The following TMEM71 variants were observed in gnomAD, a reference collection of about 807,000 sequenced individuals.
The protein encoded by TMEM71 is transmembrane protein 71.
In TMEM71, 44 loss-of-function variants were observed where a neutral mutation model predicts 38.0. The observed-to-expected ratio is 1.16, with a 90% CI of 0.91 to 1.49. TMEM71 has a LOEUF of 1.49. TMEM71 is among the 40% of genes most tolerant of loss of function. TMEM71 has a pLI of 0.00. For missense variants in TMEM71, 367 were observed against 348.6 expected (o/e 1.05, Z -0.42); for synonymous variants, 133 against 122.5 (o/e 1.09, Z -0.56).
At chr8:132,712,232 T>C (rs924779495) in intron 9 of TMEM71, among the ~76,000 whole-genome samples, 12 of 151,680 alleles carry the variant, frequency 7.9e-5, no homozygotes, top group Non-Finnish European at 1.3e-4. Context: ...AAAAATGGAG[T>C]TGGGAACAAG....
intron 5 of TMEM71, among the ~76,000 whole-genome samples, chr8:132,746,412 C>CATATATATATACATATATATAT (rs1307996051): frequency 1.1e-3 from 11 of 10,170 alleles, no homozygotes; most frequent in East Asian, 8.8e-3. Context: ...TATATATATA[C>CATATATATATACATATATATAT]ACACACATAT....
At chr8:132,739,646 C>T (rs1051049445) in intron 5 of TMEM71, among the ~76,000 whole-genome samples, 1 of 151,982 alleles carries the variant, frequency 6.6e-6, no homozygotes, top group East Asian at 1.9e-4. Context: ...TTAACTTGGG[C>T]GAGTTCCTTA....
chr8:132,757,090 G>T (rs1394868741), intron 3 of TMEM71, 144 bp downstream of exon 3: 1 of 417,912 alleles, frequency 2.4e-6, no homozygotes, highest in African/African-American at 2.2e-5. Flanking sequence ...TGGAGACGGG[G>T]TTTCACCGTG....
At chr8:132,741,979 C>G (rs1026072190) in intron 5 of TMEM71, among the ~76,000 whole-genome samples, 8 of 152,244 alleles carry the variant, frequency 5.3e-5, no homozygotes, top group African/African-American at 1.7e-4. Context: ...TCTTCCCAGA[C>G]GCTGGCGTCA....
intron 5 of TMEM71, among the ~76,000 whole-genome samples, chr8:132,728,699 A>G (rs6998949): frequency 0.012 from 1,875 of 152,314 alleles, 41 homozygotes; most frequent in African/African-American, 0.043. Context: ...TCTTTATAGG[A>G]CCAAACTTTA....
At chr8:132,746,396 T>C in intron 5 of TMEM71, among the ~76,000 whole-genome samples, 2 of 19,676 alleles carry the variant, frequency 1.0e-4, no homozygotes, top group Non-Finnish European at 1.5e-4. Flanking sequence ...TACATATATA[T>C]ATACATATAT....
At chr8:132,758,655 A>C (rs1174902138) in intron 2 of TMEM71, 185 bp downstream of exon 2, 3 of 556,642 alleles carry the variant, frequency 5.4e-6, no homozygotes, top group Non-Finnish European at 9.6e-6. Context: ...GAAAAATACC[A>C]CATTTCTTTC....
chr8:132,711,604 C>T (rs903423625), intron 9 of TMEM71, among the ~76,000 whole-genome samples: 3 of 152,168 alleles, frequency 2.0e-5, no homozygotes, highest in Admixed American at 6.5e-5. Flanking sequence ...ACCGCTGATG[C>T]TAACACATCA....
intron 2 of TMEM71, among the ~76,000 whole-genome samples, chr8:132,757,716 C>G (rs752683614): frequency 6.6e-6 from 1 of 151,398 alleles, no homozygotes; most frequent in Non-Finnish European, 1.5e-5. Context: ...GTCCCAGCTA[C>G]TGGGGAGGCT....
At chr8:132,775,361 G>C in the TMEM71 span, 2 of 359,172 alleles carry the variant, frequency 5.6e-6, no homozygotes, top group Non-Finnish European at 9.9e-6. Flanking sequence ...GCGGGCGGCT[G>C]ACGTCGCCGG....
intron 3 of TMEM71, among the ~76,000 whole-genome samples, chr8:132,752,866 A>T (rs912579247): frequency 2.7e-5 from 4 of 150,828 alleles, no homozygotes; most frequent in Admixed American, 2.6e-4. Context: ...GAAGGAAGGA[A>T]GGAAGGAAGG....
rs570921068 is a variant in TMEM71, at chr8:132,727,551, C to T, written c.676+247G>A. Among the ~76,000 whole-genome samples the T allele has an allele frequency of 1.7e-4, 26 of 152,238 alleles. No individual in the cohort carries two copies. In the South Asian group the frequency reaches 4.6e-3, roughly 27 times the overall value. ...GATTACAGGCCTGACCTGCCGTGCC[C>T]GGTCTCTGAATATTTTTTAAGTAAA... On this transcript the variant is annotated intron_variant, in intron 6 of 9. Coordinates refer to ENST00000677595, the MANE Select transcript of TMEM71 (RefSeq NM_001382403.1).
chr8:132,708,405 G>C (rs1335782143), downstream of TMEM71, among the ~76,000 whole-genome samples: 1 of 152,236 alleles, frequency 6.6e-6, no homozygotes, highest in Non-Finnish European at 1.5e-5. Flanking sequence ...ATTTTGCACA[G>C]CAACACACTT....
At position 132,753,323 on chromosome 8, in the gene TMEM71, T is replaced by A. The variant is rs557483091; in HGVS notation, c.102-1326A>T. ...TTTGAATTCTTGGGGTGGTTTTTTG[T>A]GAATCAATTAACAGCACTGATAGTA... On this transcript the variant is annotated intron_variant, in intron 3 of 9. Transcript: ENST00000677595. Among the ~76,000 whole-genome samples the A allele has an allele frequency of 2.0e-5, 3 of 151,070 alleles. No individual in the cohort carries two copies. The South Asian group carries it at 6.2e-4, about 31-fold the overall frequency.
At chr8:132,766,252 G>T in the TMEM71 span, among the ~76,000 whole-genome samples, 1 of 152,068 alleles carries the variant, frequency 6.6e-6, no homozygotes, top group Non-Finnish European at 1.5e-5. Flanking sequence ...AAGCTTTTCA[G>T]AGCTGACATC....
intron 5 of TMEM71, 109 bp downstream of exon 5, chr8:132,746,833 C>T: frequency 1.2e-6 from 1 of 852,806 alleles, no homozygotes. Flanking sequence ...GCCCATCTCT[C>T]CATCAAAATG....
the TMEM71 span, among the ~76,000 whole-genome samples, chr8:132,768,353 ATGT>A: frequency 3.3e-5 from 5 of 152,118 alleles, no homozygotes; most frequent in South Asian, 2.1e-4. Flanking sequence ...ACTTTAAAAA[ATGT>A]TGTGTTCAGC....
chr8:132,752,854 AGG>A (rs1472902107), intron 3 of TMEM71, among the ~76,000 whole-genome samples: 9 of 149,776 alleles, frequency 6.0e-5, no homozygotes, highest in Non-Finnish European at 1.2e-4. Flanking sequence ...GAAGGAAGGA[AGG>A]AAGGAAGGAA....
At chr8:132,711,064 T>C in intron 9 of TMEM71, 82 bp from the exon 10 acceptor site, 3 of 1,343,054 alleles carry the variant, frequency 2.2e-6, no homozygotes, top group African/African-American at 1.5e-5. Context: ...GCATACCCAT[T>C]TGCGCATATA....
Sources: allele counts gnomAD v4.1 joint callset (sites outside exome capture counted in the v4.1 genomes callset), GRCh38; gene constraint gnomAD v4.1.1; transcripts MANE v1.5; gene names NCBI Gene and HGNC (gene_info 2026-07-23, HGNC 2026-07-21).